ADARB2: variants seen among roughly 807,000 people sequenced by gnomAD.
ADARB2 encodes the protein inactive double-stranded RNA-specific editase B2.
In ADARB2, 25 loss-of-function variants were observed where a neutral mutation model predicts 62.2. That is an observed-to-expected ratio of 0.40 (90% CI 0.29 to 0.56). The LOEUF is 0.56. Among genes scored for constraint, ADARB2 ranks in the 20% least tolerant of loss-of-function variants. The pLI is 0.43. For synonymous variants in ADARB2, 572 were observed against 500.8 expected, an observed-to-expected ratio of 1.14 and a Z score of -1.90; for missense variants, 1,071 against 1,077.4, an observed-to-expected ratio of 0.99 and a Z score of 0.08.
Position 1,234,630 on chromosome 10 carries a change from C to A in ADARB2, c.1362-785G>T, listed in dbSNP as rs528530390. On this transcript the variant is annotated intron_variant, in intron 5 of 9. Coordinates refer to ENST00000381312, the MANE Select transcript of ADARB2 (RefSeq NM_018702.4). Reference sequence around the variant, plus strand: ...TAATTTATTTACTTTTTTTTAGAGACAGGGTCTTGCTTTGTTGCCCCGAGT... The same window carrying A: ...TAATTTATTTACTTTTTTTTAGAGAAAGGGTCTTGCTTTGTTGCCCCGAGT... Among the ~76,000 whole-genome samples the A allele has an allele frequency of 2.2e-4, 33 of 150,432 alleles. No individual in the cohort carries two copies. In the South Asian group the frequency reaches 4.6e-3, roughly 21 times the overall value.
chr10:1,226,197 C>T (rs183329084), intron 6 of ADARB2, among the ~76,000 whole-genome samples: 12 of 152,340 alleles, frequency 7.9e-5, no homozygotes, highest in African/African-American at 2.2e-4. Flanking sequence ...TCCAGTTGAT[C>T]GCATTGGCTA....
At chr10:1,485,893 T>G (rs971126272) in intron 1 of ADARB2, among the ~76,000 whole-genome samples, 5 of 152,188 alleles carry the variant, frequency 3.3e-5, no homozygotes, top group Non-Finnish European at 7.4e-5. Context: ...TCAAGTTACG[T>G]CCAATGAGAA....
chr10:1,636,560 G>A (rs999361211), intron 1 of ADARB2, among the ~76,000 whole-genome samples: 3 of 151,874 alleles, frequency 2.0e-5, no homozygotes, highest in Non-Finnish European at 4.4e-5. Context: ...GGGAGGCTCC[G>A]CACAGACCAG....
At chr10:1,300,569 G>A (rs1179878189) in intron 3 of ADARB2, among the ~76,000 whole-genome samples, 2 of 152,156 alleles carry the variant, frequency 1.3e-5, no homozygotes, top group Admixed American at 6.5e-5. Context: ...TTGTTCATTC[G>A]TTCAATGAAT....
intron 1 of ADARB2, among the ~76,000 whole-genome samples, chr10:1,490,051 G>T (rs963389307): frequency 6.6e-6 from 1 of 152,206 alleles, no homozygotes; most frequent in Non-Finnish European, 1.5e-5. Context: ...CACGTTAGCT[G>T]TCAGGTAAGT....
chr10:1,708,371 A>T (rs551775180), intron 1 of ADARB2, among the ~76,000 whole-genome samples: 1 of 152,300 alleles, frequency 6.6e-6, no homozygotes, highest in Admixed American at 6.5e-5. Context: ...GAGAAGCCCA[A>T]TCTGCTCCTC....
At chr10:1,337,146 A>G (rs941419138) in intron 3 of ADARB2, among the ~76,000 whole-genome samples, 1 of 151,892 alleles carries the variant, frequency 6.6e-6, no homozygotes, top group East Asian at 1.9e-4. Context: ...TTACTAGGGG[A>G]AAATAGAAAG....
At chr10:1,267,539 C>T (rs543770215) in intron 4 of ADARB2, among the ~76,000 whole-genome samples, 118 of 152,266 alleles carry the variant, frequency 7.7e-4, no homozygotes, top group African/African-American at 2.7e-3. Context: ...AGGCAGGTAC[C>T]CTCTGTGAGA....
At chr10:1,595,941 T>G (rs1203321506) in intron 1 of ADARB2, among the ~76,000 whole-genome samples, 1 of 152,246 alleles carries the variant, frequency 6.6e-6, no homozygotes, top group Admixed American at 6.5e-5. Flanking sequence ...CGCTCATGCC[T>G]TCTGCACTCT....
rs1831070393 is a variant in ADARB2, at chr10:1,255,287, G to A, written c.1193-12988C>T. Among the ~76,000 whole-genome samples the A allele has an allele frequency of 6.6e-6, 1 of 152,238 alleles. No homozygotes were observed. The highest frequency in any genetic ancestry group is 1.9e-4 in the East Asian group (1 of 5,200). The stretch of plus-strand genomic sequence containing the variant: ...TCAACACAGATTCACATGTTGCTCT[G>A]ACAGGAAATGAGGCAATCACTGGCC... On this transcript the variant is annotated intron_variant, in intron 4 of 9. Coordinates refer to ENST00000381312, the MANE Select transcript of ADARB2 (RefSeq NM_018702.4). This position sits in a 1 kb window ranked among gnomAD's most constrained non-coding sequence, Gnocchi z 4.7.
At chr10:1,655,272 G>A (rs368340230) in intron 1 of ADARB2, among the ~76,000 whole-genome samples, 1 of 152,212 alleles carries the variant, frequency 6.6e-6, no homozygotes, top group Non-Finnish European at 1.5e-5. Context: ...ATTAAGCCAA[G>A]CTCCATGCTG....
intron 5 of ADARB2, among the ~76,000 whole-genome samples, chr10:1,236,318 T>C (rs1302831065): frequency 1.1e-4 from 4 of 35,104 alleles, no homozygotes; most frequent in Non-Finnish European, 1.9e-4. Flanking sequence ...CCTCCCGGTG[T>C]TTACTCCCCT....
intron 1 of ADARB2, among the ~76,000 whole-genome samples, chr10:1,540,662 G>A (rs61831932): frequency 0.21 from 14,797 of 69,650 alleles, 4,619 homozygotes; most frequent in Non-Finnish European, 0.31. Context: ...GACGCAGTTT[G>A]GACCCTGGAT....
intron 3 of ADARB2, among the ~76,000 whole-genome samples, chr10:1,325,089 A>C (rs2804096): frequency 0.41 from 62,871 of 152,054 alleles, 14,228 homozygotes; most frequent in African/African-American, 0.61. Flanking sequence ...GCCTCACGCC[A>C]AACCTACAAA....
intron 1 of ADARB2, among the ~76,000 whole-genome samples, chr10:1,447,883 C>T (rs942795690): frequency 1.3e-5 from 2 of 152,140 alleles, no homozygotes; most frequent in Admixed American, 1.3e-4. Flanking sequence ...TCCAGCTTCA[C>T]CCACGTTGCT....
intron 1 of ADARB2, among the ~76,000 whole-genome samples, chr10:1,387,318 C>CA (rs139896339): frequency 0.021 from 3,216 of 151,476 alleles, 113 homozygotes; most frequent in African/African-American, 0.073. Flanking sequence ...CCTAATGAAG[C>CA]AAAAAAATTG....
chr10:1,568,728 C>G (rs1228779263), intron 1 of ADARB2, among the ~76,000 whole-genome samples: 1 of 152,130 alleles, frequency 6.6e-6, no homozygotes, highest in East Asian at 1.9e-4. Context: ...GATTTACTGA[C>G]ACTGGGCCCA....
At chr10:1,466,036 C>T (rs180892578) in intron 1 of ADARB2, among the ~76,000 whole-genome samples, 6 of 152,312 alleles carry the variant, frequency 3.9e-5, no homozygotes, top group South Asian at 2.1e-4. Context: ...AGACAAGAAC[C>T]GAAGGCTCTC....
intron 1 of ADARB2, among the ~76,000 whole-genome samples, chr10:1,633,393 C>G (rs993429880): frequency 6.6e-6 from 1 of 152,140 alleles, no homozygotes; most frequent in African/African-American, 2.4e-5. Context: ...GAAATGCTCA[C>G]CAGAATATTT....
Sources: gnomAD v4.1 joint callset for allele counts (sites outside exome capture counted in the v4.1 genomes callset) on GRCh38, gnomAD v4.1.1 for gene constraint, Gnocchi (gnomAD v3.1) non-coding constraint, MANE v1.5 for transcripts, NCBI Gene and HGNC (gene_info 2026-07-23, HGNC 2026-07-21) for gene names.